Variants in GMEB2 observed in about 807,000 individuals in gnomAD.
GMEB2 encodes glucocorticoid modulatory element-binding protein 2.
Under a neutral mutation model 45.7 loss-of-function variants are expected in GMEB2, and 7 were observed. The observed-to-expected ratio is 0.15, with a 90% CI of 0.09 to 0.29. The LOEUF (loss-of-function observed/expected upper bound fraction) is 0.29, where lower values mean the gene tolerates loss of function less well. Ranked by LOEUF, GMEB2 falls within the 10% of genes least tolerant of loss-of-function variation. The probability of loss-of-function intolerance (pLI) is 1.00; values close to 1 mark genes in which losing one functional copy is unlikely to be tolerated. For synonymous variants in GMEB2, 322 were observed against 323.6 expected, an observed-to-expected ratio of 1.00 and a Z score of 0.05; for missense variants, 582 against 739.2, an observed-to-expected ratio of 0.79 and a Z score of 2.47.
chr20:63,625,461 C>A (rs1179417737), intron 1 of GMEB2, among the ~76,000 whole-genome samples: 1 of 152,126 alleles, frequency 6.6e-6, no homozygotes, highest in African/African-American at 2.4e-5. Flanking sequence ...GTGTGAGCCA[C>A]TACACCTGGC....
chr20:63,610,155 C>T (rs2089558067), intron 2 of GMEB2, among the ~76,000 whole-genome samples: 1 of 152,238 alleles, frequency 6.6e-6, no homozygotes, highest in South Asian at 2.1e-4. Flanking sequence ...GGGTGGGGTT[C>T]CCAGCTGTGC....
intron 3 of GMEB2, among the ~76,000 whole-genome samples, chr20:63,603,537 T>C (rs1397446515): frequency 6.6e-6 from 1 of 151,592 alleles, no homozygotes; most frequent in Non-Finnish European, 1.5e-5. Context: ...AAGACCATCC[T>C]GGCCAACATG....
intron 1 of GMEB2, among the ~76,000 whole-genome samples, chr20:63,623,627 G>A (rs753720097): frequency 2.0e-5 from 3 of 150,374 alleles, no homozygotes; most frequent in Non-Finnish European, 4.4e-5. Flanking sequence ...GTGAAACCCC[G>A]TCTCTACTAA....
chr20:63,592,685 G>C lies in GMEB2; in HGVS notation c.692-15C>G, dbSNP rs754119534. 1.2e-6 allele frequency: 2 copies of C among 1,609,716 alleles called. No individual in the cohort carries two copies. Among genetic ancestry groups the C allele is most frequent in the South Asian group, 2.2e-5 (2 of 91,020 alleles). On this transcript the variant is annotated splice_polypyrimidine_tract_variant and intron_variant, in intron 7 of 9. Transcript: ENST00000370077. The surrounding 1 kb of genome is among the most constrained non-coding windows in gnomAD (Gnocchi z 8.2). ...AAATGTGTCATCTGTGAGGGAAGGAGTGGGTTCAGTGGGCAGGGAAAGTGC... is the reference window on the plus strand; with the variant it reads ...AAATGTGTCATCTGTGAGGGAAGGACTGGGTTCAGTGGGCAGGGAAAGTGC...
rs911052466 is a variant in GMEB2, at chr20:63,592,486, G to C, written c.829+47C>G. The stretch of plus-strand genomic sequence containing the variant: ...GGCCAGTGGCCTCACCTCCTGCAGA[G>C]ACTCCTGGGCTGAGTAGCCAGCAAG... On this transcript the variant is annotated intron_variant, in intron 8 of 9. Coordinates refer to ENST00000370077, the MANE Select transcript of GMEB2 (RefSeq NM_012384.5). The surrounding 1 kb of genome is among the most constrained non-coding windows in gnomAD (Gnocchi z 8.2). 4.6e-6 allele frequency: 7 copies of C among 1,516,734 alleles called. No homozygotes were observed. Among genetic ancestry groups the C allele is most frequent in the Non-Finnish European group, 5.4e-6 (6 of 1,103,880 alleles). 94.0% of individuals were successfully genotyped at this position (1,516,734 alleles called of 1,614,324 possible). A position where few individuals can be genotyped will look rare whatever the true frequency, so the allele number is the denominator to read the frequency against.
In GMEB2 at chr20:63,590,065, C is replaced by A; in HGVS notation, c.*24G>T. ...TGAGAGACAGCCAGCCCTGTCCGTCCCAGGGGCCTCGCCCTCCTGTCGGCT... is the reference window on the plus strand; with the variant it reads ...TGAGAGACAGCCAGCCCTGTCCGTCACAGGGGCCTCGCCCTCCTGTCGGCT... On this transcript the variant is annotated 3_prime_UTR_variant, in exon 10 of 10. Coordinates refer to ENST00000370077, the MANE Select transcript of GMEB2 (RefSeq NM_012384.5). 1 of 1,495,342 alleles carries A rather than the reference C, an allele frequency of 6.7e-7. No individual in the cohort carries two copies. The highest frequency in any genetic ancestry group is 1.3e-5 in the South Asian group (1 of 74,398). 92.6% of individuals were successfully genotyped at this position (1,495,342 alleles called of 1,614,324 possible). A position where few individuals can be genotyped will look rare whatever the true frequency, so the allele number is the denominator to read the frequency against.
chr20:63,592,509 A>G lies in GMEB2; in HGVS notation c.829+24T>C, dbSNP rs2083156058. 1 of 1,592,496 alleles carries G rather than the reference A, an allele frequency of 6.3e-7. No individual in the cohort carries two copies. The highest frequency in any genetic ancestry group is 8.6e-7 in the Non-Finnish European group (1 of 1,163,700). On this transcript the variant is annotated intron_variant, in intron 8 of 9. Coordinates refer to ENST00000370077, the MANE Select transcript of GMEB2 (RefSeq NM_012384.5). This position sits in a 1 kb window ranked among gnomAD's most constrained non-coding sequence, Gnocchi z 8.2. Reference sequence around the variant, plus strand: ...GAGACTCCTGGGCTGAGTAGCCAGCAAGAGGGAAGATGCAGCTTCTCACCT... The same window carrying G: ...GAGACTCCTGGGCTGAGTAGCCAGCGAGAGGGAAGATGCAGCTTCTCACCT...
At chr20:63,595,589 C>T (rs1370472415) in intron 6 of GMEB2, 21 bp downstream of exon 6, 5 of 1,576,830 alleles carry the variant, frequency 3.2e-6, no homozygotes, top group East Asian at 2.3e-5. Context: ...TGGGTCAGGA[C>T]GAGCAGCCCT....
intron 2 of GMEB2, among the ~76,000 whole-genome samples, chr20:63,612,743 C>T (rs979001176): frequency 6.6e-6 from 1 of 150,712 alleles, no homozygotes; most frequent in Admixed American, 6.6e-5. Context: ...AGGAGAGCCA[C>T]CCAGCCGAGC....
At chr20:63,621,203 G>T (rs548667432) in intron 1 of GMEB2, among the ~76,000 whole-genome samples, 1 of 151,714 alleles carries the variant, frequency 6.6e-6, no homozygotes, top group Admixed American at 6.6e-5. Flanking sequence ...CTCAAAAAAC[G>T]AAAAAGAAAG....
Position 63,597,822 on chromosome 20 carries a change from G to A in GMEB2, c.396C>T (p.His132=). ...CCTTCAGGGTGGACTTCCCGGCCAGGTGCACAAATTCCTTTGGGCTGATTA... is the reference window on the plus strand; with the variant it reads ...CCTTCAGGGTGGACTTCCCGGCCAGATGCACAAATTCCTTTGGGCTGATTA... The part of the protein sequence containing the change: ...EHVISPKEFV[H]LAGKSTLKDW... The change falls in exon 5 of 10, where the codon CAC becomes CAT. Residue 132 remains histidine (H), a synonymous_variant. Coordinates refer to ENST00000370077, the MANE Select transcript of GMEB2 (RefSeq NM_012384.5). 6.2e-7 allele frequency: 1 copy of A among 1,610,930 alleles called. No homozygotes were observed. Among genetic ancestry groups the A allele is most frequent in the South Asian group, 1.1e-5 (1 of 91,026 alleles).
intron 1 of GMEB2, among the ~76,000 whole-genome samples, chr20:63,622,457 C>G (rs2089647027): frequency 6.6e-6 from 1 of 152,214 alleles, no homozygotes; most frequent in Non-Finnish European, 1.5e-5. Flanking sequence ...TCTTACTCAA[C>G]CGACATTTTC....
At chr20:63,601,761 C>T (rs1458086281) in intron 4 of GMEB2, among the ~76,000 whole-genome samples, 5 of 152,392 alleles carry the variant, frequency 3.3e-5, no homozygotes, top group East Asian at 1.9e-4. Flanking sequence ...GCTGCAGGGC[C>T]GACTCTGCAG....
At position 63,589,940 on chromosome 20, in the gene GMEB2, G is replaced by C; in HGVS notation, c.*149C>G. 3.6e-6 allele frequency: 2 copies of C among 562,732 alleles called. No individual in the cohort carries two copies. Among genetic ancestry groups the C allele is most frequent in the Non-Finnish European group, 5.9e-6 (2 of 341,760 alleles). 34.9% of individuals were successfully genotyped at this position (562,732 alleles called of 1,614,324 possible). A position where few individuals can be genotyped will look rare whatever the true frequency, so the allele number is the denominator to read the frequency against. On this transcript the variant is annotated 3_prime_UTR_variant, in exon 10 of 10. Coordinates refer to ENST00000370077, the MANE Select transcript of GMEB2 (RefSeq NM_012384.5). ...CTGTTCTGTCCCCTTCTCTCTTCTC[G>C]TGATTTGTTTTGGCGATTCCTCTCT... is the stretch of plus-strand genomic sequence containing the variant.
At chr20:63,604,626 G>A in intron 3 of GMEB2, 117 bp downstream of exon 3, 1 of 705,716 alleles carries the variant, frequency 1.4e-6, no homozygotes, top group Non-Finnish European at 2.6e-6. Flanking sequence ...ACACAGCTTG[G>A]GAATCAGCCC....
At chr20:63,622,306 G>A (rs1310334852) in intron 1 of GMEB2, among the ~76,000 whole-genome samples, 2 of 152,326 alleles carry the variant, frequency 1.3e-5, no homozygotes, top group East Asian at 1.9e-4. Flanking sequence ...CCTGCGGAGA[G>A]TCTGGCCCTG....
chr20:63,589,512 C>A lies in GMEB2; in HGVS notation c.*577G>T. The A allele has an allele frequency of 3.8e-6, 1 of 261,782 alleles. No individual in the cohort carries two copies. Among genetic ancestry groups the A allele is most frequent in the East Asian group, 6.6e-5 (1 of 15,110 alleles). 16.2% of individuals were successfully genotyped at this position (261,782 alleles called of 1,614,324 possible). A position where few individuals can be genotyped will look rare whatever the true frequency, so the allele number is the denominator to read the frequency against. ...CCATCAGGATCTGCACCCCAAGCTC[C>A]GGGTGCATGTTCCCAACTGGAGGAG... is the stretch of plus-strand genomic sequence containing the variant. On this transcript the variant is annotated 3_prime_UTR_variant, in exon 10 of 10. Coordinates refer to ENST00000370077, the MANE Select transcript of GMEB2 (RefSeq NM_012384.5).
intron 2 of GMEB2, among the ~76,000 whole-genome samples, chr20:63,614,988 A>T (rs1031707304): frequency 6.6e-6 from 1 of 152,102 alleles, no homozygotes; most frequent in African/African-American, 2.4e-5. Context: ...CCCCAGGCCC[A>T]GCTGTCTTTT....
At chr20:63,602,497 A>G (rs1488133861) in intron 4 of GMEB2, among the ~76,000 whole-genome samples, 1 of 152,210 alleles carries the variant, frequency 6.6e-6, no homozygotes, top group East Asian at 1.9e-4. Flanking sequence ...TTCTGTCACC[A>G]TTAGGTCCCC....
Sources: gnomAD v4.1 joint callset for allele counts (sites outside exome capture counted in the v4.1 genomes callset) on GRCh38, gnomAD v4.1.1 for gene constraint, Gnocchi (gnomAD v3.1) non-coding constraint, MANE v1.5 for transcripts, NCBI Gene and HGNC (gene_info 2026-07-23, HGNC 2026-07-21) for gene names.